MRPL1: variants seen among roughly 807,000 people sequenced by gnomAD.
MRPL1 encodes the protein mitochondrial ribosomal protein L1.
In MRPL1, 28 loss-of-function variants were observed where a neutral mutation model predicts 38.0. The observed-to-expected ratio is 0.74, with a 90% CI of 0.55 to 1.01. The LOEUF (loss-of-function observed/expected upper bound fraction) is 1.01. Among genes scored for constraint, MRPL1 ranks in the 50% least tolerant of loss-of-function variants. MRPL1 has a pLI of 0.00. For missense variants in MRPL1, 358 were observed against 389.8 expected, an observed-to-expected ratio of 0.92 and a Z score of 0.69; for synonymous variants, 123 against 126.7, an observed-to-expected ratio of 0.97 and a Z score of 0.20.
intron 7 of MRPL1, among the ~76,000 whole-genome samples, chr4:77,919,275 A>C (rs758464148): frequency 6.6e-6 from 1 of 152,080 alleles, no homozygotes; most frequent in South Asian, 2.1e-4. Context: ...TGCATGATTT[A>C]AAATACTTGG....
intron 7 of MRPL1, among the ~76,000 whole-genome samples, chr4:77,936,643 T>C (rs1736988151): frequency 6.6e-6 from 1 of 152,232 alleles, no homozygotes; most frequent in Non-Finnish European, 1.5e-5. Context: ...GTGGAAGAAT[T>C]GTGACAGAGG....
chr4:77,882,509 G>A (rs1735568735), intron 2 of MRPL1, among the ~76,000 whole-genome samples: 1 of 152,084 alleles, frequency 6.6e-6, no homozygotes, highest in African/African-American at 2.4e-5. Context: ...TCTAGCACTA[G>A]ACAACCACCA....
intron 6 of MRPL1, among the ~76,000 whole-genome samples, chr4:77,898,082 G>C (rs1735959210): frequency 6.6e-6 from 1 of 152,076 alleles, no homozygotes; most frequent in Non-Finnish European, 1.5e-5. Flanking sequence ...CTGTTGCATA[G>C]GTCTGTAGTA....
chr4:77,935,005 T>G (rs1736932523), intron 7 of MRPL1, among the ~76,000 whole-genome samples: 2 of 152,128 alleles, frequency 1.3e-5, no homozygotes, highest in South Asian at 4.1e-4. Flanking sequence ...AGTAGAATGG[T>G]GGTTGCCAGG....
At chr4:77,945,214 C>T (rs1159537941) in intron 7 of MRPL1, among the ~76,000 whole-genome samples, 1 of 150,344 alleles carries the variant, frequency 6.7e-6, no homozygotes, top group East Asian at 1.9e-4. Context: ...ATACAGATAA[C>T]CTTTCTTTTC....
At chr4:77,919,765 A>T (rs554291065) in intron 7 of MRPL1, among the ~76,000 whole-genome samples, 1 of 151,922 alleles carries the variant, frequency 6.6e-6, no homozygotes, top group South Asian at 2.1e-4. Context: ...CATAACTCTC[A>T]TGACCTATTA....
intron 7 of MRPL1, among the ~76,000 whole-genome samples, chr4:77,926,348 C>G (rs1457734059): frequency 6.6e-6 from 1 of 152,174 alleles, no homozygotes; most frequent in African/African-American, 2.4e-5. Context: ...ACCACCATTT[C>G]TCTTCCTTGA....
intron 6 of MRPL1, among the ~76,000 whole-genome samples, chr4:77,896,175 GT>G (rs1368229510): frequency 6.6e-5 from 9 of 136,826 alleles, no homozygotes; most frequent in East Asian, 6.6e-4. Flanking sequence ...AGCCTTGAGG[GT>G]TTTTTTTTTC....
At chr4:77,871,201 A>G (rs892098500) in intron 1 of MRPL1, among the ~76,000 whole-genome samples, 1 of 152,054 alleles carries the variant, frequency 6.6e-6, no homozygotes, top group African/African-American at 2.4e-5. Flanking sequence ...AGCCTGGGTG[A>G]CAGAGTGAAA....
At chr4:77,921,069 C>A (rs1736561342) in intron 7 of MRPL1, among the ~76,000 whole-genome samples, 1 of 152,110 alleles carries the variant, frequency 6.6e-6, no homozygotes, top group South Asian at 2.1e-4. Flanking sequence ...CCATTCATTC[C>A]TTGATTTAGG....
intron 2 of MRPL1, among the ~76,000 whole-genome samples, chr4:77,881,564 C>T (rs1190238178): frequency 6.6e-6 from 1 of 151,722 alleles, no homozygotes; most frequent in African/African-American, 2.4e-5. Flanking sequence ...AAATCAGCCT[C>T]CTAAGTAGCT....
intron 7 of MRPL1, among the ~76,000 whole-genome samples, chr4:77,922,219 G>T (rs1736596721): frequency 6.6e-6 from 1 of 152,194 alleles, no homozygotes; most frequent in South Asian, 2.1e-4. Flanking sequence ...GATATCTCAT[G>T]TGAACTTCTC....
chr4:77,884,807 CAGA>C (rs1277413066), intron 3 of MRPL1, among the ~76,000 whole-genome samples: 1 of 152,112 alleles, frequency 6.6e-6, no homozygotes, highest in Non-Finnish European at 1.5e-5. Flanking sequence ...CTGATGGTGT[CAGA>C]AGATTACATG....
intron 6 of MRPL1, among the ~76,000 whole-genome samples, chr4:77,897,136 G>A (rs1735935420): frequency 6.6e-6 from 1 of 151,422 alleles, no homozygotes; most frequent in Non-Finnish European, 1.5e-5. Flanking sequence ...GTGCAGTCTC[G>A]GCTCACTGCA....
chr4:77,909,246 A>T lies in MRPL1; in HGVS notation c.671-20A>T, dbSNP rs769599438. The stretch of plus-strand genomic sequence containing the variant: ...TACTTATTTGGAGTGATAATTGTGG[A>T]TTTTACTTTTTCTAACTAGATTCCA... On this transcript the variant is annotated intron_variant, in intron 6 of 8. Coordinates refer to ENST00000315567, the MANE Select transcript of MRPL1 (RefSeq NM_020236.4). The T allele has an allele frequency of 6.9e-7, 1 of 1,441,636 alleles. No homozygotes were observed. Among genetic ancestry groups the T allele is most frequent in the Non-Finnish European group, 9.7e-7 (1 of 1,027,380 alleles). 89.3% of individuals were successfully genotyped at this position (1,441,636 alleles called of 1,614,324 possible).
At chr4:77,883,552 T>C in intron 3 of MRPL1, 52 bp downstream of exon 3, 1 of 1,450,672 alleles carries the variant, frequency 6.9e-7, no homozygotes, top group Non-Finnish European at 9.3e-7. Context: ...GCTGTATGAA[T>C]TGGTGTTTCT....
chr4:77,885,715 C>A (rs1420328961), intron 4 of MRPL1, among the ~76,000 whole-genome samples: 7 of 152,056 alleles, frequency 4.6e-5, no homozygotes, highest in African/African-American at 1.7e-4. Flanking sequence ...AATTATTAAC[C>A]AATCATTAGC....
chr4:77,873,669 A>G (rs1406494080), intron 2 of MRPL1, among the ~76,000 whole-genome samples: 2 of 152,220 alleles, frequency 1.3e-5, no homozygotes, highest in Non-Finnish European at 2.9e-5. Context: ...GCACTGTGCA[A>G]AATGATGATA....
At chr4:77,924,468 A>G (rs1233464624) in intron 7 of MRPL1, among the ~76,000 whole-genome samples, 1 of 152,104 alleles carries the variant, frequency 6.6e-6, no homozygotes, top group African/African-American at 2.4e-5. Context: ...ATAGTTCTGA[A>G]TCTTGCCTCC....
Sources: allele counts gnomAD v4.1 joint callset (sites outside exome capture counted in the v4.1 genomes callset), GRCh38; gene constraint gnomAD v4.1.1; transcripts MANE v1.5; gene names NCBI Gene and HGNC (gene_info 2026-07-23, HGNC 2026-07-21).